Variants in PTPN4 observed in about 807,000 individuals in gnomAD.
PTPN4 encodes tyrosine-protein phosphatase non-receptor type 4.
Under a neutral mutation model 135.5 loss-of-function variants are expected in PTPN4, and 49 were observed. The observed-to-expected ratio is 0.36, with a 90% CI of 0.29 to 0.46. The LOEUF is 0.46. Among genes scored for constraint, PTPN4 ranks in the 20% least tolerant of loss-of-function variants. The probability of loss-of-function intolerance (pLI) is 1.00; values close to 1 mark genes in which losing one functional copy is unlikely to be tolerated. For synonymous variants in PTPN4, 333 were observed against 369.9 expected (o/e 0.90, Z 1.14); for missense variants, 860 against 1,101.0 (o/e 0.78, Z 3.10).
intron 1 of PTPN4, among the ~76,000 whole-genome samples, chr2:119,766,444 G>GGGCGCC (rs1491322725): frequency 5.7e-5 from 2 of 35,174 alleles, no homozygotes; most frequent in Non-Finnish European, 1.1e-4. Flanking sequence ...ATGCGCATGT[G>GGGCGCC]CGCGCGTGTG....
At position 119,837,793 on chromosome 2, in the gene PTPN4, C is replaced by T. The variant is rs147895361; in HGVS notation, c.139-24743C>T. Among the ~76,000 whole-genome samples, 215 of 152,344 alleles carry T rather than the reference C, an allele frequency of 1.4e-3. 1 individual carries two copies. The highest frequency in any genetic ancestry group is 3.4e-3 in the Middle Eastern group (1 of 294). ...GCATCTCCAAGCTTCCAGGCACCAC[C>T]GTGTTCCCCTCATCTAGATTCAGGT... On this transcript the variant is annotated intron_variant, in intron 2 of 26. Coordinates refer to ENST00000263708, the MANE Select transcript of PTPN4 (RefSeq NM_002830.4).
At chr2:119,761,025 TGTA>T (rs1690482624) in intron 1 of PTPN4, among the ~76,000 whole-genome samples, 1 of 152,196 alleles carries the variant, frequency 6.6e-6, no homozygotes, top group African/African-American at 2.4e-5. Context: ...GCTTGCATCA[TGTA>T]GTGACATCAG....
At chr2:119,857,661 G>A (rs1677701683) in intron 2 of PTPN4, among the ~76,000 whole-genome samples, 1 of 150,790 alleles carries the variant, frequency 6.6e-6, no homozygotes, top group South Asian at 2.1e-4. Context: ...ATATTTCCTA[G>A]AGCATTATTT....
chr2:119,950,134 A>T (rs1217060505), intron 18 of PTPN4, among the ~76,000 whole-genome samples: 1 of 152,118 alleles, frequency 6.6e-6, no homozygotes, highest in Non-Finnish European at 1.5e-5. Flanking sequence ...TGCCAACTAC[A>T]CTATGCACAA....
Position 119,901,743 on chromosome 2 carries a change from G to A in PTPN4, c.764+937G>A, listed in dbSNP as rs565482721. Among the ~76,000 whole-genome samples the A allele has an allele frequency of 5.9e-5, 9 of 152,194 alleles. No individual in the cohort carries two copies. In the South Asian group the frequency reaches 1.5e-3, roughly 25 times the overall value. On this transcript the variant is annotated intron_variant, in intron 10 of 26. Transcript: ENST00000263708. ...AAAGTATATGGAAAAAGTGTGTAAC[G>A]TACAAGAACAGACGGAAATGTAAGC...
chr2:119,844,678 C>T (rs1677458104), intron 2 of PTPN4, among the ~76,000 whole-genome samples: 1 of 151,456 alleles, frequency 6.6e-6, no homozygotes, highest in South Asian at 2.1e-4. Flanking sequence ...AGATGCTCCT[C>T]ACTTCCTAGA....
At chr2:119,881,226 C>G (rs953482132) in intron 5 of PTPN4, among the ~76,000 whole-genome samples, 1 of 152,144 alleles carries the variant, frequency 6.6e-6, no homozygotes, top group Non-Finnish European at 1.5e-5. Flanking sequence ...CAATAGTAGA[C>G]AAAAGTATTC....
At chr2:119,842,655 C>G (rs1443514529) in intron 2 of PTPN4, among the ~76,000 whole-genome samples, 1 of 151,858 alleles carries the variant, frequency 6.6e-6, no homozygotes, top group Non-Finnish European at 1.5e-5. Context: ...TCGTTTTTTT[C>G]TTTTTCTTTT....
chr2:119,942,901 A>G (rs938890804), intron 15 of PTPN4, among the ~76,000 whole-genome samples: 3 of 152,210 alleles, frequency 2.0e-5, no homozygotes, highest in African/African-American at 4.8e-5. Flanking sequence ...TGAAAGTAAC[A>G]TAAGAACTAC....
intron 2 of PTPN4, among the ~76,000 whole-genome samples, chr2:119,858,893 C>T (rs2104985404): frequency 6.6e-6 from 1 of 152,246 alleles, no homozygotes; most frequent in Non-Finnish European, 1.5e-5. Flanking sequence ...CTCAGCCTCC[C>T]AAAGTGCTGG....
chr2:119,948,039 C>T (rs867695719), intron 18 of PTPN4, among the ~76,000 whole-genome samples: 45 of 151,658 alleles, frequency 3.0e-4, no homozygotes, highest in Middle Eastern at 6.8e-3. Context: ...GGGACAAGAC[C>T]GGGGATATTA....
intron 1 of PTPN4, among the ~76,000 whole-genome samples, chr2:119,763,398 G>A (rs1690544968): frequency 6.6e-6 from 1 of 152,180 alleles, no homozygotes; most frequent in South Asian, 2.1e-4. Context: ...CAGAGGGGAA[G>A]AGTGTTAATA....
intron 2 of PTPN4, among the ~76,000 whole-genome samples, chr2:119,831,983 AT>A (rs1677226436): frequency 6.6e-6 from 1 of 151,984 alleles, no homozygotes; most frequent in Non-Finnish European, 1.5e-5. Flanking sequence ...TTTTTAAGTT[AT>A]TGTTTTGTTT....
chr2:119,929,885 A>G (rs555552324), intron 13 of PTPN4, among the ~76,000 whole-genome samples: 3 of 152,286 alleles, frequency 2.0e-5, no homozygotes, highest in Admixed American at 6.5e-5. Flanking sequence ...CTTTTAGAAA[A>G]TGAAAGTAGT....
chr2:119,962,131 C>T (rs1314294767), intron 23 of PTPN4, among the ~76,000 whole-genome samples: 2 of 152,048 alleles, frequency 1.3e-5, no homozygotes, highest in Admixed American at 1.3e-4. Context: ...AGCCAGATTA[C>T]TTACTATTAA....
At chr2:119,797,229 T>C (rs1409260763) in intron 1 of PTPN4, among the ~76,000 whole-genome samples, 2 of 152,192 alleles carry the variant, frequency 1.3e-5, no homozygotes, top group African/African-American at 2.4e-5. Context: ...AAGAAAAGAT[T>C]AGCCACTCTC....
At chr2:119,808,673 C>G (rs1450842877) in intron 1 of PTPN4, among the ~76,000 whole-genome samples, 1 of 152,146 alleles carries the variant, frequency 6.6e-6, no homozygotes, top group Non-Finnish European at 1.5e-5. Flanking sequence ...ATCCTCCCAC[C>G]TCCCAAATCG....
intron 19 of PTPN4, among the ~76,000 whole-genome samples, chr2:119,953,752 G>C (rs1679241126): frequency 6.6e-6 from 1 of 151,960 alleles, no homozygotes; most frequent in Non-Finnish European, 1.5e-5. Context: ...CAATGAGATT[G>C]ATGAATTATC....
chr2:119,907,413 A>G (rs1253280942), intron 10 of PTPN4, among the ~76,000 whole-genome samples: 1 of 151,080 alleles, frequency 6.6e-6, no homozygotes, highest in Non-Finnish European at 1.5e-5. Context: ...CAGCCTACAC[A>G]ACATAGCAAG....
Sources: gnomAD v4.1 joint callset for allele counts (sites outside exome capture counted in the v4.1 genomes callset) on GRCh38, gnomAD v4.1.1 for gene constraint, MANE v1.5 for transcripts, NCBI Gene and HGNC (gene_info 2026-07-23, HGNC 2026-07-21) for gene names.